Variants in ATP7A observed in about 807,000 individuals in gnomAD.
ATP7A encodes the protein copper-transporting ATPase 1.
ATP7A carries 7 observed loss-of-function variants against 83.5 expected under a neutral mutation model. The observed-to-expected ratio is 0.08, with a 90% CI of 0.05 to 0.16. The LOEUF (loss-of-function observed/expected upper bound fraction) is 0.16, where lower values mean the gene tolerates loss of function less well. Among genes scored for constraint, ATP7A ranks in the 10% least tolerant of loss-of-function variants. The pLI is 1.00. For synonymous variants in ATP7A, 354 were observed against 395.2 expected, an observed-to-expected ratio of 0.90 and a Z score of 1.24; for missense variants, 940 against 1,120.8, an observed-to-expected ratio of 0.84 and a Z score of 2.30.
chrX:77,915,674 A>G (rs2077181216), intron 1 of ATP7A, among the ~76,000 whole-genome samples: 1 of 112,008 alleles, frequency 8.9e-6, no homozygotes, highest in Non-Finnish European at 1.9e-5. Context: ...AGACTACAGG[A>G]TCAATATACT....
intron 1 of ATP7A, among the ~76,000 whole-genome samples, chrX:77,915,502 A>AT (rs782300938): frequency 9.0e-5 from 10 of 111,100 alleles, no homozygotes; most frequent in African/African-American, 2.9e-4. Flanking sequence ...GTCTCACAGG[A>AT]TTGTTAATGA....
intron 14 of ATP7A, among the ~76,000 whole-genome samples, chrX:78,026,602 G>A (rs1244180673): frequency 9.0e-6 from 1 of 111,590 alleles, no homozygotes; most frequent in Admixed American, 9.5e-5. Context: ...AGATATCTAC[G>A]GAATACTCCA....
At chrX:77,915,570 T>G (rs1313008927) in intron 1 of ATP7A, among the ~76,000 whole-genome samples, 1 of 111,365 alleles carries the variant, frequency 9.0e-6, no homozygotes, top group Admixed American at 9.6e-5. Flanking sequence ...GTAGTTACCT[T>G]TAATATTTTA....
chrX:77,990,306 T>C (rs2055545886), intron 4 of ATP7A, among the ~76,000 whole-genome samples: 1 of 112,227 alleles, frequency 8.9e-6, no homozygotes, highest in African/African-American at 3.2e-5. Context: ...ATATATACAA[T>C]GTGATCAAAA....
chrX:78,024,336 G>A (rs782573389), intron 14 of ATP7A, among the ~76,000 whole-genome samples: 7 of 111,950 alleles, frequency 6.3e-5, no homozygotes, highest in South Asian at 7.4e-4. Context: ...GAGAACATTA[G>A]TAGTTTTATA....
chrX:78,031,441 C>T lies in ATP7A; in HGVS notation c.3153C>T (p.His1051=), dbSNP rs142998552. 184 of 1,209,139 alleles carry T rather than the reference C, an allele frequency of 1.5e-4. 1 individual carries two copies. Among genetic ancestry groups the T allele is most frequent in the Admixed American group, 2.6e-4 (12 of 45,746 alleles). The change falls in exon 16 of 23, where the codon CAC becomes CAT. Residue 1051 remains histidine (H), a synonymous_variant. Transcript: ENST00000341514. ...VVFDKTGTIT[H]GTPVVNQVKV... is the part of the protein sequence containing the mutation. ...TTGATAAGACTGGAACCATTACTCA[C>T]GGAACCCCAGTGGTGAATCAAGTAA...
intron 12 of ATP7A, among the ~76,000 whole-genome samples, chrX:78,018,757 T>A (rs1225017576): frequency 1.8e-5 from 2 of 112,133 alleles, no homozygotes; most frequent in African/African-American, 6.5e-5. Flanking sequence ...CGCTGGGTAA[T>A]TTATGAAGGA....
At chrX:78,041,461 G>C (rs2078048051) in intron 19 of ATP7A, among the ~76,000 whole-genome samples, 1 of 109,340 alleles carries the variant, frequency 9.1e-6, no homozygotes, top group Admixed American at 9.8e-5. Flanking sequence ...TTTTAGTAGA[G>C]ACAGGGTTTC....
In ATP7A at chrX:78,014,658, A is replaced by T. The variant is rs2149096806; in HGVS notation, c.2407-4A>T. 8.3e-7 allele frequency: 1 copy of T among 1,200,445 alleles called. No homozygotes were observed. The highest frequency in any genetic ancestry group is 1.1e-6 in the Non-Finnish European group (1 of 886,523). On this transcript the variant is annotated splice_region_variant and splice_polypyrimidine_tract_variant and intron_variant, in intron 10 of 22. Transcript: ENST00000341514. Reference sequence around the variant, plus strand: ...ATTTTCAATGTGTTTGTTTTAATTTATAGGGCAAAACATCAGAGGCTCTTG... The same window carrying T: ...ATTTTCAATGTGTTTGTTTTAATTTTTAGGGCAAAACATCAGAGGCTCTTG...
At chrX:77,974,733 T>A (rs2077567549) in intron 2 of ATP7A, 1 of 295,295 alleles carries the variant, frequency 3.4e-6, no homozygotes, top group African/African-American at 2.8e-5. Flanking sequence ...TCATATGGTT[T>A]TTCTCCTTTA....
Position 78,043,214 on chromosome X carries a change from T to C in ATP7A, c.4006-103T>C, listed in dbSNP as rs2078061019. The stretch of plus-strand genomic sequence containing the variant: ...TGAGATTTGTAATTAATTCACATAT[T>C]ACCCTAAGGTAGACGTAATCTTCAA... On this transcript the variant is annotated intron_variant, in intron 20 of 22. Coordinates refer to ENST00000341514, the MANE Select transcript of ATP7A (RefSeq NM_000052.7). 6.6e-6 allele frequency: 4 copies of C among 606,025 alleles called. No individual in the cohort carries two copies. In the Admixed American group the frequency reaches 7.2e-5, roughly 11 times the overall value. The allele number at this position is 606,025 out of a possible 1,213,427, so 49.9% of individuals were successfully genotyped here. A position where few individuals can be genotyped will look rare whatever the true frequency, so the allele number is the denominator to read the frequency against.
At chrX:78,002,454 C>T (rs782619792) in intron 5 of ATP7A, among the ~76,000 whole-genome samples, 290 of 110,572 alleles carry the variant, frequency 2.6e-3, no homozygotes, top group Admixed American at 5.4e-3. Flanking sequence ...CAGTCTCAAG[C>T]AATTTCAATT....
At chrX:77,944,452 A>AT (rs2077367563) in intron 1 of ATP7A, among the ~76,000 whole-genome samples, 3 of 111,065 alleles carry the variant, frequency 2.7e-5, no homozygotes, top group East Asian at 2.8e-4. Context: ...TTAATTTAAA[A>AT]TTTTTTTAGA....
At chrX:77,935,912 A>G (rs1731543289) in intron 1 of ATP7A, among the ~76,000 whole-genome samples, 1 of 112,636 alleles carries the variant, frequency 8.9e-6, no homozygotes, top group African/African-American at 3.2e-5. Context: ...AGTTTTTTAA[A>G]ACTTCTAAAT....
intron 6 of ATP7A, 78 bp downstream of exon 6, chrX:78,003,314 T>C (rs1221420736): frequency 1.0e-6 from 1 of 976,830 alleles, no homozygotes; most frequent in Non-Finnish European, 1.5e-6. Context: ...GTTGTGAAGA[T>C]AATTAAAGGT....
At chrX:77,927,299 A>G (rs1354625618) in intron 1 of ATP7A, among the ~76,000 whole-genome samples, 1 of 111,624 alleles carries the variant, frequency 9.0e-6, no homozygotes, top group Non-Finnish European at 1.9e-5. Context: ...ATGATTTCTA[A>G]CAAAAGTTTT....
intron 5 of ATP7A, among the ~76,000 whole-genome samples, chrX:78,002,069 T>C (rs1212918331): frequency 4.2e-5 from 4 of 96,045 alleles, no homozygotes; most frequent in Non-Finnish European, 8.3e-5. Context: ...TGAGTTCCTT[T>C]CTCTATTTTT....
chrX:78,044,255 C>CAAAA (rs782578875), intron 21 of ATP7A, among the ~76,000 whole-genome samples: 135 of 61,493 alleles, frequency 2.2e-3, no homozygotes, highest in South Asian at 5.7e-3. Flanking sequence ...ACTCCGTCTC[C>CAAAA]AAAAAAAAAA....
intron 11 of ATP7A, among the ~76,000 whole-genome samples, chrX:78,015,083 T>C (rs2077852561): frequency 8.9e-6 from 1 of 112,555 alleles, no homozygotes. Flanking sequence ...CCAATTCATA[T>C]TCACATTTCT....
Sources: gnomAD v4.1 joint callset for allele counts (sites outside exome capture counted in the v4.1 genomes callset) on GRCh38, gnomAD v4.1.1 for gene constraint, MANE v1.5 for transcripts, NCBI Gene and HGNC (gene_info 2026-07-23, HGNC 2026-07-21) for gene names.